The following TTC7B variants were observed in gnomAD, a reference collection of about 807,000 sequenced individuals.
TTC7B encodes tetratricopeptide repeat domain 7B, also known as tetratricopeptide repeat protein 7B.
A neutral mutation model predicts 106.8 loss-of-function variants in TTC7B; 28 were observed. The observed-to-expected ratio is 0.26, with a 90% CI of 0.19 to 0.36. TTC7B has a LOEUF of 0.36. Among genes scored for constraint, TTC7B ranks in the 10% least tolerant of loss-of-function variants. TTC7B has a pLI of 1.00. For synonymous variants in TTC7B, 405 were observed against 430.6 expected (o/e 0.94, Z 0.74); for missense variants, 862 against 1,076.4 (o/e 0.80, Z 2.79).
At chr14:90,648,938 C>T (rs1885594167) in intron 13 of TTC7B, 1 of 152,128 alleles carries the variant, frequency 6.6e-6, no homozygotes, top group South Asian at 2.1e-4. Flanking sequence ...ATATTCTTCA[C>T]GAATAAATCA....
intron 19 of TTC7B, among the ~76,000 whole-genome samples, chr14:90,567,044 C>T (rs1431949232): frequency 4.3e-5 from 5 of 117,138 alleles, no homozygotes; most frequent in Non-Finnish European, 8.8e-5. Context: ...AAGGCGGGGG[C>T]GGGGAGGGGT....
chr14:90,764,976 A>T (rs940654262), intron 3 of TTC7B, among the ~76,000 whole-genome samples: 2 of 152,184 alleles, frequency 1.3e-5, no homozygotes, highest in Non-Finnish European at 2.9e-5. Flanking sequence ...AATGTTTTGG[A>T]TGGGATTATG....
intron 15 of TTC7B, among the ~76,000 whole-genome samples, chr14:90,631,163 T>C (rs571367318): frequency 6.6e-6 from 1 of 152,264 alleles, no homozygotes; most frequent in African/African-American, 2.4e-5. Context: ...CTGAATAAAA[T>C]ATTCCATTAT....
chr14:90,572,628 C>T (rs1332815519), intron 19 of TTC7B, among the ~76,000 whole-genome samples: 1 of 152,198 alleles, frequency 6.6e-6, no homozygotes. Context: ...TCCTCAAAGA[C>T]AGCCTGTGTA....
chr14:90,663,749 G>A lies in TTC7B; in HGVS notation c.1153-5362C>T, dbSNP rs1037813647. Among the ~76,000 whole-genome samples the A allele has an allele frequency of 6.6e-6, 1 of 152,202 alleles. No individual in the cohort carries two copies. Among genetic ancestry groups the A allele is most frequent in the South Asian group, 2.1e-4 (1 of 4,834 alleles). On this transcript the variant is annotated intron_variant, in intron 9 of 19. Transcript: ENST00000328459. The surrounding 1 kb of genome is among the most constrained non-coding windows in gnomAD (Gnocchi z 4.5). ...CATGAGGGTGTCCTAAAGAGAGTTAGGAAATCTGGGTCAATTACAGATTAG... is the reference window on the plus strand; with the variant it reads ...CATGAGGGTGTCCTAAAGAGAGTTAAGAAATCTGGGTCAATTACAGATTAG...
chr14:90,616,198 G>A (rs1262896531), intron 16 of TTC7B, among the ~76,000 whole-genome samples: 2 of 152,122 alleles, frequency 1.3e-5, no homozygotes, highest in Non-Finnish European at 2.9e-5. Context: ...AAAGCGCTCC[G>A]GCGCCGAGGC....
chr14:90,647,559 G>A (rs1885516571), intron 13 of TTC7B: 1 of 155,304 alleles, frequency 6.4e-6, no homozygotes, highest in South Asian at 1.9e-4. Flanking sequence ...CACTCATTCA[G>A]TCTTTTGAAG....
chr14:90,634,836 T>C (rs921833471), intron 15 of TTC7B, among the ~76,000 whole-genome samples: 1 of 152,056 alleles, frequency 6.6e-6, no homozygotes, highest in African/African-American at 2.4e-5. Context: ...GGGAACTTCT[T>C]GGAAATGATA....
intron 11 of TTC7B, among the ~76,000 whole-genome samples, chr14:90,656,279 G>A (rs966275370): frequency 1.6e-4 from 24 of 152,140 alleles, no homozygotes; most frequent in African/African-American, 5.6e-4. Context: ...AAGATGCTTC[G>A]GTCTTTTTTG....
At chr14:90,728,419 A>G (rs1889197070) in intron 5 of TTC7B, among the ~76,000 whole-genome samples, 1 of 151,164 alleles carries the variant, frequency 6.6e-6, no homozygotes, top group South Asian at 2.1e-4. Context: ...CAGAGAGAAG[A>G]GCAAGAGGAC....
At chr14:90,815,315 G>GA (rs2031108202) in intron 1 of TTC7B, among the ~76,000 whole-genome samples, 1 of 152,130 alleles carries the variant, frequency 6.6e-6, no homozygotes, top group Non-Finnish European at 1.5e-5. Context: ...ACTGGAATGG[G>GA]ATTCTGGATG....
intron 9 of TTC7B, among the ~76,000 whole-genome samples, chr14:90,672,899 G>A (rs1199788738): frequency 6.6e-6 from 1 of 152,088 alleles, no homozygotes; most frequent in Non-Finnish European, 1.5e-5. Context: ...TACTTTACAT[G>A]GATTAATGAA....
chr14:90,668,726 G>A (rs1886511313), intron 9 of TTC7B, among the ~76,000 whole-genome samples: 1 of 151,008 alleles, frequency 6.6e-6, no homozygotes, highest in Non-Finnish European at 1.5e-5. Context: ...GCAGAACTGA[G>A]ATTATCACAC....
At chr14:90,594,357 T>C (rs1260524309) in intron 17 of TTC7B, among the ~76,000 whole-genome samples, 2 of 152,080 alleles carry the variant, frequency 1.3e-5, no homozygotes, top group Non-Finnish European at 2.9e-5. Flanking sequence ...ACCAAGCATG[T>C]TCACTAGTCA....
intron 5 of TTC7B, 21 bp downstream of exon 5, chr14:90,730,053 TA>T: frequency 2.5e-6 from 4 of 1,590,584 alleles, no homozygotes; most frequent in African/African-American, 1.4e-5. Flanking sequence ...GAAGTGGATT[TA>T]AAAAAATGAA....
intron 15 of TTC7B, among the ~76,000 whole-genome samples, chr14:90,619,332 T>C (rs1232646727): frequency 6.6e-6 from 1 of 152,214 alleles, no homozygotes; most frequent in Admixed American, 6.5e-5. Context: ...CTCATCCGAT[T>C]GGACCCTTTA....
rs1317873251 is a variant in TTC7B at position 90,531,772 on chromosome 14, G to C, written c.*9596C>G. ...AAGCAATGAAGTGAAATTTGAAGTT[G>C]AAATTTTTGAAGTGAAATTGTAAAG... On this transcript the variant is annotated 3_prime_UTR_variant, in exon 20 of 20. Coordinates refer to ENST00000328459, the MANE Select transcript of TTC7B (RefSeq NM_001010854.2). The C allele has an allele frequency of 6.6e-6, 1 of 152,202 alleles. No homozygotes were observed. Among genetic ancestry groups the C allele is most frequent in the Non-Finnish European group, 1.5e-5 (1 of 68,028 alleles). The allele number at this position is 152,202 out of a possible 1,614,324, so 9.4% of individuals were successfully genotyped here. A position where few individuals can be genotyped will look rare whatever the true frequency, so the allele number is the denominator to read the frequency against.
intron 19 of TTC7B, among the ~76,000 whole-genome samples, chr14:90,574,563 T>G (rs528202439): frequency 9.4e-4 from 144 of 152,382 alleles, no homozygotes; most frequent in Middle Eastern, 3.4e-3. Context: ...ACATTTCTCT[T>G]GTCAAGTCTG....
At chr14:90,622,453 G>A (rs1884248739) in intron 15 of TTC7B, among the ~76,000 whole-genome samples, 1 of 151,698 alleles carries the variant, frequency 6.6e-6, no homozygotes, top group Non-Finnish European at 1.5e-5. Flanking sequence ...ATATTAGCCA[G>A]GCATGGTGGC....
Sources: gnomAD v4.1 joint callset for allele counts (sites outside exome capture counted in the v4.1 genomes callset) on GRCh38, gnomAD v4.1.1 for gene constraint, Gnocchi (gnomAD v3.1) non-coding constraint, MANE v1.5 for transcripts, NCBI Gene and HGNC (gene_info 2026-07-23, HGNC 2026-07-21) for gene names.